Variants in PRAM1 observed in about 807,000 individuals in gnomAD.
The protein encoded by PRAM1 is PML-RARA-regulated adapter molecule 1.
Under a neutral mutation model 55.3 loss-of-function variants are expected in PRAM1, and 41 were observed. The ratio of observed to expected loss-of-function variants is 0.74; its 90% CI spans 0.58 to 0.96. PRAM1 has a LOEUF of 0.96. Ranked by LOEUF, PRAM1 falls within the 40% of genes least tolerant of loss-of-function variation. The probability of loss-of-function intolerance (pLI) is 0.00; values close to 1 mark genes in which losing one functional copy is unlikely to be tolerated. For missense variants in PRAM1, 898 were observed against 892.7 expected, an observed-to-expected ratio of 1.01 and a Z score of -0.08; for synonymous variants, 401 against 387.1, an observed-to-expected ratio of 1.04 and a Z score of -0.42.
chr19:8,492,476 C>CT (rs1252056234), intron 4 of PRAM1, among the ~76,000 whole-genome samples: 5 of 151,838 alleles, frequency 3.3e-5, no homozygotes, highest in South Asian at 2.1e-4. Context: ...AGGCTGGTCT[C>CT]TAACTCCTGA....
intron 4 of PRAM1, chr19:8,492,091 C>G (rs1281168920): frequency 6.6e-6 from 1 of 151,706 alleles, no homozygotes; most frequent in Non-Finnish European, 1.5e-5. Flanking sequence ...GCCACCACAC[C>G]CGGCTAATTT....
chr19:8,492,628 C>T (rs1971645602), intron 4 of PRAM1, among the ~76,000 whole-genome samples: 1 of 152,082 alleles, frequency 6.6e-6, no homozygotes, highest in South Asian at 2.1e-4. Flanking sequence ...GAGAGGCTGG[C>T]CCATGGGTAC....
At chr19:8,494,840 C>T (rs1971675985) in intron 4 of PRAM1, among the ~76,000 whole-genome samples, 1 of 151,868 alleles carries the variant, frequency 6.6e-6, no homozygotes, top group Non-Finnish European at 1.5e-5. Context: ...ACTATGTTGG[C>T]CAGGCTGGTC....
intron 4 of PRAM1, among the ~76,000 whole-genome samples, chr19:8,494,705 T>C (rs903524752): frequency 4.0e-5 from 6 of 150,356 alleles, no homozygotes; most frequent in African/African-American, 1.5e-4. Context: ...GATCTCAGCT[T>C]ACTGCAACCC....
In PRAM1 at chr19:8,498,845, G is replaced by C; in HGVS notation, c.963C>G (p.Pro321=). 6.2e-7 allele frequency: 1 copy of C among 1,606,376 alleles called. No individual in the cohort carries two copies. The highest frequency in any genetic ancestry group is 8.5e-7 in the Non-Finnish European group (1 of 1,176,732). The part of the protein sequence containing the change: ...PAEFKALSKK[P]PQPELGGLPR... Reference sequence around the variant, plus strand: ...GGAGGCCGCCCAGCTCGGGCTGCGGGGGCTTCTTGGAGAGCGCTTTGAATT... The same window carrying C: ...GGAGGCCGCCCAGCTCGGGCTGCGGCGGCTTCTTGGAGAGCGCTTTGAATT... The change falls in exon 2 of 10, where the codon CCC becomes CCG. Residue 321 remains proline, a synonymous_variant. Transcript: ENST00000423345.
At position 8,493,788 on chromosome 19, in the gene PRAM1, G is replaced by A. The variant is rs1971661059; in HGVS notation, c.1577-2631C>T. Among the ~76,000 whole-genome samples the A allele has an allele frequency of 6.6e-6, 1 of 152,010 alleles. No homozygotes were observed. Among genetic ancestry groups the A allele is most frequent in the South Asian group, 2.1e-4 (1 of 4,818 alleles). On this transcript the variant is annotated intron_variant, in intron 4 of 9. Coordinates refer to ENST00000423345, the MANE Select transcript of PRAM1 (RefSeq NM_032152.5). This position sits in a 1 kb window ranked among gnomAD's most constrained non-coding sequence, Gnocchi z 4.1. Reference sequence around the variant, plus strand: ...TGAGAAGCGGGAGATCCAGGGAAGTGGGACCTTTTTTTTTTTCTTTTTTTC... The same window carrying A: ...TGAGAAGCGGGAGATCCAGGGAAGTAGGACCTTTTTTTTTTTCTTTTTTTC...
At position 8,502,608 on chromosome 19, in the gene PRAM1, G is replaced by A. The variant is rs747124549; in HGVS notation, c.-17C>T. The A allele has an allele frequency of 9.7e-6, 15 of 1,550,032 alleles. No individual in the cohort carries two copies. The highest frequency in any genetic ancestry group is 2.4e-5 in the East Asian group (1 of 40,942). ...ATGGGCCATGGGATGAGTGGGACCC[G>A]AGCTGGGGCCGCTGCCTTCAGGAAG... On this transcript the variant is annotated 5_prime_UTR_variant, in exon 1 of 10. Coordinates refer to ENST00000423345, the MANE Select transcript of PRAM1 (RefSeq NM_032152.5).
intron 3 of PRAM1, 102 bp from the exon 4 acceptor site, chr19:8,497,942 A>G: frequency 1.2e-6 from 1 of 852,298 alleles, no homozygotes; most frequent in Non-Finnish European, 1.7e-6. Flanking sequence ...GTGCAGGGGC[A>G]TGATCTCGGG....
In PRAM1 at chr19:8,493,488, C is replaced by T. The variant is rs1469325368; in HGVS notation, c.1577-2331G>A. 6.6e-6 allele frequency among the ~76,000 whole-genome samples: 1 copy of T among 152,216 alleles called. No homozygotes were observed. On this transcript the variant is annotated intron_variant, in intron 4 of 9. Transcript: ENST00000423345. This position sits in a 1 kb window ranked among gnomAD's most constrained non-coding sequence, Gnocchi z 4.1. ...GCAAACCCGCCACATTAGAGCACCTCTTGGCACCGCCATGCAGGCAGCCCT... is the reference window on the plus strand; with the variant it reads ...GCAAACCCGCCACATTAGAGCACCTTTTGGCACCGCCATGCAGGCAGCCCT...
chr19:8,497,867 C>CTTTTT, intron 3 of PRAM1, 27 bp from the exon 4 acceptor site: 1 of 676,034 alleles, frequency 1.5e-6, no homozygotes, highest in Non-Finnish European at 2.3e-6. Context: ...GATGAGGCCT[C>CTTTTT]TTCTTTTTTT....
At position 8,490,199 on chromosome 19, in the gene PRAM1, A is replaced by G. The variant is rs1277164940; in HGVS notation, c.2003T>C (p.Leu668Pro). Residue 668 changes from leucine (L) to proline (P), a missense_variant, in exon 10 of 10, where the codon CTG becomes CCG. Leu to Pro is a moderately conservative substitution (Grantham distance 98). Transcript: ENST00000423345. This position sits in a 1 kb window ranked among gnomAD's most constrained non-coding sequence, Gnocchi z 7.3. ...CDPLENQPLPLGR is the reference protein window; with the variant it reads ...CDPLENQPLPPGR ...CCACGCCTACCGGTCTTACCGTCCC[A>G]GGGGGAGTGGTTGGTTTTCCAGGGG... The G allele has an allele frequency of 1.3e-6, 2 of 1,589,568 alleles. No individual in the cohort carries two copies. The highest frequency in any genetic ancestry group is 2.7e-5 in the African/African-American group (2 of 74,582).
chr19:8,502,464 G>GGCCCCCCCCCCCCCC, intron 1 of PRAM1, 101 bp downstream of exon 1: 1 of 216,460 alleles, frequency 4.6e-6, no homozygotes, highest in Non-Finnish European at 8.4e-6. Context: ...GCCACCCCCC[G>GGCCCCCCCCCCCCCC]CCCCCCCGCC....
At chr19:8,499,926 C>T (rs1009442435) in intron 1 of PRAM1, 146 bp from the exon 2 acceptor site, 3 of 681,308 alleles carry the variant, frequency 4.4e-6, no homozygotes, top group Non-Finnish European at 7.2e-6. Context: ...CAGGAGCCCC[C>T]ATGGATCCTA....
In PRAM1 at chr19:8,498,399, C is replaced by G. The variant is rs1416092875; in HGVS notation, c.1409G>C (p.Arg470Pro). Residue 470 changes from arginine to proline, a missense_variant, in exon 2 of 10, where the codon CGG becomes CCG. Arg to Pro is a moderately radical substitution (Grantham distance 103). Transcript: ENST00000423345. ...ACCTATGGATGCTGCAGAGGGTCTC[C>G]GAAAGCTCTGCATATCCACGGGCCC... ...PPGPVDMQSF[R>P]RPSAASIDLR... 1 of 1,577,386 alleles carries G rather than the reference C, an allele frequency of 6.3e-7. No homozygotes were observed.
chr19:8,494,316 T>A (rs892153778), intron 4 of PRAM1, among the ~76,000 whole-genome samples: 60 of 152,166 alleles, frequency 3.9e-4, no homozygotes, highest in African/African-American at 1.4e-3. Flanking sequence ...GCCCCACTCC[T>A]GGCCATCCGC....
chr19:8,502,464 G>GGGCCCCCCCCCCCCCCCC, intron 1 of PRAM1, 101 bp downstream of exon 1: 1 of 216,456 alleles, frequency 4.6e-6, no homozygotes, highest in Non-Finnish European at 8.4e-6. Flanking sequence ...GCCACCCCCC[G>GGGCCCCCCCCCCCCCCCC]CCCCCCCGCC....
rs763971313 is a variant in PRAM1 at position 8,490,656 on chromosome 19, A to G, written c.1844T>C (p.Ile615Thr). Residue 615 changes from isoleucine (I) to threonine (T), a missense_variant, in exon 7 of 10, where the codon ATC becomes ACC. Ile to Thr is a moderately conservative substitution (Grantham distance 89). Transcript: ENST00000423345. This position sits in a 1 kb window ranked among gnomAD's most constrained non-coding sequence, Gnocchi z 7.3. Reference sequence around the variant, plus strand: ...GCTGGTGAACTCGATCACCTCCAGGATCTCCCCGCGCCGGATCCCGAGGTG... The same window carrying G: ...GCTGGTGAACTCGATCACCTCCAGGGTCTCCCCGCGCCGGATCCCGAGGTG... The part of the protein sequence containing the change: ...GKHLGIRRGE[I>T]LEVIEFTSNE... 5.6e-5 allele frequency: 89 copies of G among 1,588,910 alleles called. No individual in the cohort carries two copies. Among genetic ancestry groups the G allele is most frequent in the Non-Finnish European group, 7.1e-5 (83 of 1,167,634 alleles).
At position 8,499,729 on chromosome 19, in the gene PRAM1, G is replaced by T; in HGVS notation, c.79C>A (p.Pro27Thr). The change falls in exon 2 of 10, where the codon CCG (proline) becomes ACG (threonine). Residue 27 changes from proline (P) to threonine (T), a missense_variant. By Grantham distance (38) the Pro-to-Thr change is conservative (BLOSUM62 -1). Around this residue, in one of 4 missense-constraint regions of PRAM1, gnomAD observed 79 missense variants for 93.4 expected, o/e 0.85. Coordinates refer to ENST00000423345, the MANE Select transcript of PRAM1 (RefSeq NM_032152.5). ...SIKAKFQASQ[P>T]EPSDLPKKPP... ...TTTTTGGGCAGGTCGCTGGGCTCCGGCTGAGAGGCCTGGAACTTTGCTTTG... is the reference window on the plus strand; with the variant it reads ...TTTTTGGGCAGGTCGCTGGGCTCCGTCTGAGAGGCCTGGAACTTTGCTTTG... 1 of 1,613,474 alleles carries T rather than the reference G, an allele frequency of 6.2e-7. No individual in the cohort carries two copies. Among genetic ancestry groups the T allele is most frequent in the Non-Finnish European group, 8.5e-7 (1 of 1,179,686 alleles).
rs1971590087 is a variant in PRAM1 at position 8,490,203 on chromosome 19, G to T, written c.1999C>A (p.Pro667Thr). Residue 667 changes from proline to threonine, a missense_variant, in exon 10 of 10, where the codon CCC becomes ACC. Pro to Thr is a conservative substitution (Grantham distance 38). This residue lies in a region of PRAM1 where 787 missense variants were observed against 735.4 expected (regional missense o/e 1.07). Coordinates refer to ENST00000423345, the MANE Select transcript of PRAM1 (RefSeq NM_032152.5). This position sits in a 1 kb window ranked among gnomAD's most constrained non-coding sequence, Gnocchi z 7.3. ...GCCTACCGGTCTTACCGTCCCAGGG[G>T]GAGTGGTTGGTTTTCCAGGGGATCT... is the stretch of plus-strand genomic sequence containing the variant. ...FCDPLENQPL[P>T]LGR 2 of 1,592,270 alleles carry T rather than the reference G, an allele frequency of 1.3e-6. No homozygotes were observed. Among genetic ancestry groups the T allele is most frequent in the Non-Finnish European group, 8.6e-7 (1 of 1,168,526 alleles).
Sources: gnomAD v4.1 joint callset for allele counts (sites outside exome capture counted in the v4.1 genomes callset) on GRCh38, gnomAD v4.1.1 for gene constraint, gnomAD v4.1.1 regional missense constraint, Gnocchi (gnomAD v3.1) non-coding constraint, MANE v1.5 for transcripts, NCBI Gene and HGNC (gene_info 2026-07-23, HGNC 2026-07-21) for gene names.